SALL2: variants seen among roughly 807,000 people sequenced by gnomAD.
SALL2 encodes spalt like transcription factor 2, also known as sal-like protein 2.
In SALL2, 32 loss-of-function variants were observed where a neutral mutation model predicts 58.5. The ratio of observed to expected loss-of-function variants is 0.55; its 90% confidence interval spans 0.41 to 0.74. The LOEUF (loss-of-function observed/expected upper bound fraction) is 0.74, where lower values mean the gene tolerates loss of function less well. SALL2 is among the 30% of genes least tolerant of loss of function. SALL2 has a pLI of 0.00. For synonymous variants in SALL2, 516 were observed against 513.6 expected (o/e 1.00, Z -0.06); for missense variants, 1,201 against 1,268.9 (o/e 0.95, Z 0.81).
At position 21,523,924 on chromosome 14, in the gene SALL2, G is replaced by T. The variant is rs1479116424; in HGVS notation, c.1798C>A (p.Gln600Lys). 1 of 1,614,216 alleles carries T rather than the reference G, an allele frequency of 6.2e-7. No individual in the cohort carries two copies. The highest frequency in any genetic ancestry group is 2.2e-5 in the East Asian group (1 of 44,888). Residue 600 changes from glutamine (Q) to lysine (K), a missense_variant, in exon 2 of 2, where the codon CAA becomes AAA. This residue lies in a region of SALL2 where 675 missense variants were observed against 683.8 expected (regional missense o/e 0.99). Transcript: ENST00000537235. The surrounding 1 kb of genome is among the most constrained non-coding windows in gnomAD (Gnocchi z 4.4). ...LQQLVEKIDR[Q>K]GAVAVTSAAS... Reference sequence around the variant, plus strand: ...GCTGAGGTCACCGCCACAGCTCCTTGCCGGTCAATCTTTTCTACCAGTTGC... The same window carrying T: ...GCTGAGGTCACCGCCACAGCTCCTTTCCGGTCAATCTTTTCTACCAGTTGC...
At chr14:21,526,633 C>T, upstream of SALL2, 4 of 385,708 alleles carry the variant, frequency 1.0e-5, no homozygotes, top group Non-Finnish European at 1.5e-5. Context: ...AAACGTAGCC[C>T]TGCTCAGTGG....
In SALL2 at chr14:21,523,110, G is replaced by C. The variant is rs761508362; in HGVS notation, c.2612C>G (p.Ser871Ter). The change falls in exon 2 of 2, where the codon TCA (serine) becomes TGA (stop). Residue 871 changes from serine (S) to a stop codon, truncating the protein, a stop_gained. Transcript: ENST00000537235. LOFTEE classifies it high-confidence loss of function. The surrounding 1 kb of genome is among the most constrained non-coding windows in gnomAD (Gnocchi z 4.4). ...KEEGGKPERSSSPASALTPEG... is the reference protein window; with the variant it reads ...KEEGGKPERS ...TGGGGTGAGTGCTGATGCCGGACTT[G>C]AGCTTCTCTCCGGTTTGCCCCCCTC... 1.4e-5 allele frequency: 23 copies of C among 1,614,038 alleles called. No individual in the cohort carries two copies. The highest frequency in any genetic ancestry group is 5.0e-5 in the Admixed American group (3 of 59,996).
intron 1 of SALL2, among the ~76,000 whole-genome samples, chr14:21,532,310 G>C (rs1449106441): frequency 1.4e-5 from 2 of 142,982 alleles, no homozygotes; most frequent in Non-Finnish European, 3.1e-5. Context: ...ACAGGGCTAA[G>C]GGAATGGGAG....
At chr14:21,535,500 T>G (rs1892576195) in intron 1 of SALL2, among the ~76,000 whole-genome samples, 1 of 152,216 alleles carries the variant, frequency 6.6e-6, no homozygotes, top group Non-Finnish European at 1.5e-5. Context: ...TCACACATAT[T>G]AAGCACTTAT....
rs968948749 is a variant in SALL2, at chr14:21,525,909, C to T, written c.67+152G>A. Among the ~76,000 whole-genome samples, 1 of 151,628 alleles carries T rather than the reference C, an allele frequency of 6.6e-6. No individual in the cohort carries two copies. Among genetic ancestry groups the T allele is most frequent in the Admixed American group, 6.6e-5 (1 of 15,244 alleles). ...CTCCCCTCCTCAGCCACCCTCCCTT[C>T]CCCAGGCCACAAGCGAGTTCACGGA... is the stretch of plus-strand genomic sequence containing the variant. On this transcript the variant is annotated intron_variant, in intron 1 of 1. Transcript: ENST00000537235. This position sits in a 1 kb window ranked among gnomAD's most constrained non-coding sequence, Gnocchi z 4.4.
intron 1 of SALL2, among the ~76,000 whole-genome samples, chr14:21,535,068 G>A (rs958318273): frequency 2.0e-5 from 3 of 152,090 alleles, no homozygotes; most frequent in Non-Finnish European, 2.9e-5. Flanking sequence ...GCTGATGGCC[G>A]GGAGCGGTGG....
Position 21,523,555 on chromosome 14 carries a change from G to C in SALL2, c.2167C>G (p.Leu723Val), listed in dbSNP as rs748160041. 6.2e-7 allele frequency: 1 copy of C among 1,614,212 alleles called. No homozygotes were observed. Among genetic ancestry groups the C allele is most frequent in the Non-Finnish European group, 8.5e-7 (1 of 1,180,046 alleles). Residue 723 changes from leucine (L) to valine (V), a missense_variant, in exon 2 of 2, where the codon CTC becomes GTC. Physicochemically the swap from Leu to Val is conservative, Grantham distance 32. Transcript: ENST00000537235. The surrounding 1 kb of genome is among the most constrained non-coding windows in gnomAD (Gnocchi z 4.4). ...TGAGCAGCTCCTCCACCTTCAGGGA[G>C]TGCAGTACCACCGTTGGGGATCTGG... ...GGQIPNGGTALPEGGGAAQEN... is the reference protein window; with the variant it reads ...GGQIPNGGTAVPEGGGAAQEN...
chr14:21,532,894 C>T (rs1178350657), intron 1 of SALL2, among the ~76,000 whole-genome samples: 3 of 151,242 alleles, frequency 2.0e-5, no homozygotes, highest in African/African-American at 7.3e-5. Flanking sequence ...ACCCGGGAGG[C>T]GGAGCTCGCA....
At chr14:21,526,028 C>CCCCCCCCCCCCCCCCCCCCCCCCCCA in intron 1 of SALL2, 33 bp downstream of exon 1, 1 of 1,490,078 alleles carries the variant, frequency 6.7e-7, no homozygotes, top group Non-Finnish European at 9.0e-7. Context: ...CCTCCGCCCC[C>CCCCCCCCCCCCCCCCCCCCCCCCCCA]ACCCCTGCCC....
upstream of SALL2, among the ~76,000 whole-genome samples, chr14:21,526,691 T>C (rs954651974): frequency 5.2e-4 from 79 of 152,086 alleles, no homozygotes; most frequent in South Asian, 4.2e-4. Flanking sequence ...AAGGATCCGC[T>C]GAGCTTGGAA....
upstream of SALL2, among the ~76,000 whole-genome samples, chr14:21,528,073 G>C (rs924907522): frequency 3.3e-5 from 5 of 151,988 alleles, no homozygotes; most frequent in African/African-American, 1.2e-4. Context: ...AGGAGGTGGA[G>C]GTTGCAGGGG....
In SALL2 at chr14:21,534,494, G is replaced by A. The variant is rs533108010; in HGVS notation, c.-114+2468C>T. ...AGCAGCATTACCATGCCCCCAGGTG[G>A]AAGCTATATCTTAAAGGGCTTGAAA... On this transcript the variant is annotated intron_variant, in intron 1 of 1. Transcript: ENST00000541965. Among the ~76,000 whole-genome samples the A allele has an allele frequency of 2.8e-4, 42 of 152,230 alleles. No individual in the cohort carries two copies. The South Asian group carries it at 5.0e-3, about 18-fold the overall frequency.
In SALL2 at chr14:21,522,970, AGGCCTGGC is replaced by A; in HGVS notation, c.2744_2751del (p.Gly915ValfsTer32). 3 of 1,614,042 alleles carry A rather than the reference AGGCCTGGC, an allele frequency of 1.9e-6. No individual in the cohort carries two copies. The highest frequency in any genetic ancestry group is 1.7e-6 in the Non-Finnish European group (2 of 1,179,998). On this transcript the variant is annotated frameshift_variant, in exon 2 of 2. Coordinates refer to ENST00000537235, the MANE Select transcript of SALL2 (RefSeq NM_001364564.1). LOFTEE classifies it high-confidence loss of function. ...TCCTCCAGAGCTGCCTGGGAGGGAA[AGGCCTGGC>A]CACACACTTCGCAGGCCTTTCTGCT...
At position 21,526,237 on chromosome 14, in the gene SALL2, C is replaced by T; in HGVS notation, c.-110G>A. ...CAGCCTCTGCACCCAGCGGCCCAGA[C>T]TGCGGAGATGGAGATCGGCAGCGGC... On this transcript the variant is annotated 5_prime_UTR_variant, in exon 1 of 2. Coordinates refer to ENST00000537235, the MANE Select transcript of SALL2 (RefSeq NM_001364564.1). 1.4e-6 allele frequency: 2 copies of T among 1,469,506 alleles called. No individual in the cohort carries two copies. The highest frequency in any genetic ancestry group is 1.8e-6 in the Non-Finnish European group (2 of 1,112,152). 91.0% of individuals were successfully genotyped at this position (1,469,506 alleles called of 1,614,324 possible). A position where few individuals can be genotyped will look rare whatever the true frequency, so the allele number is the denominator to read the frequency against.
At position 21,524,865 on chromosome 14, in the gene SALL2, G is replaced by C; in HGVS notation, c.857C>G (p.Ser286Cys). 6.2e-7 allele frequency: 1 copy of C among 1,614,098 alleles called. No individual in the cohort carries two copies. The highest frequency in any genetic ancestry group is 8.5e-7 in the Non-Finnish European group (1 of 1,179,942). Residue 286 changes from serine to cysteine, a missense_variant, in exon 2 of 2, where the codon TCT (serine) becomes TGT (cysteine). Transcript: ENST00000537235. ...YHPLGSQHPF[S>C]AGGVGRSHKP... ...GTGGCTTCGCCCAACCCCTCCAGCA[G>C]AGAAAGGATGCTGTGACCCCAGTGG...
Position 21,526,208 on chromosome 14 carries a change from G to C in SALL2, c.-81C>G. On this transcript the variant is annotated 5_prime_UTR_variant, in exon 1 of 2. Transcript: ENST00000537235. ...GAGGGAGGCGATGGCCGCTGGGTCT[G>C]CGGCAGCCTCTGCACCCAGCGGCCC... 6.6e-7 allele frequency: 1 copy of C among 1,521,622 alleles called. No individual in the cohort carries two copies. The highest frequency in any genetic ancestry group is 8.8e-7 in the Non-Finnish European group (1 of 1,138,042). 94.3% of individuals were successfully genotyped at this position (1,521,622 alleles called of 1,614,324 possible).
In SALL2 at chr14:21,521,757, C is replaced by A. The variant is rs959312442; in HGVS notation, c.*947G>T. On this transcript the variant is annotated 3_prime_UTR_variant, in exon 2 of 2. Transcript: ENST00000537235. ...CATTTCCCAAATATCTCCTGGGAGA[C>A]CTCTTGGCAAGAAATCAGCTTGTTT... The A allele has an allele frequency of 4.4e-6, 2 of 456,592 alleles. No individual in the cohort carries two copies. The highest frequency in any genetic ancestry group is 3.3e-5 in the South Asian group (1 of 30,064). 28.3% of individuals were successfully genotyped at this position (456,592 alleles called of 1,614,324 possible).
Position 21,522,475 on chromosome 14 carries a change from A to G in SALL2, c.*229T>C, listed in dbSNP as rs2139664029. On this transcript the variant is annotated 3_prime_UTR_variant, in exon 2 of 2. Transcript: ENST00000537235. ...CCCTTGAGAAAGCTGCAGAGAATCT[A>G]TGTTCCTCAGGTACAAAGAATGAGG... The G allele has an allele frequency of 2.1e-6, 3 of 1,398,960 alleles. No individual in the cohort carries two copies. Among genetic ancestry groups the G allele is most frequent in the East Asian group, 2.5e-5 (1 of 39,236 alleles). 86.7% of individuals were successfully genotyped at this position (1,398,960 alleles called of 1,614,324 possible). A position where few individuals can be genotyped will look rare whatever the true frequency, so the allele number is the denominator to read the frequency against.
At position 21,525,500 on chromosome 14, in the gene SALL2, C is replaced by G. The variant is rs754187660; in HGVS notation, c.222G>C (p.Ser74=). Residue 74 remains serine (S), a synonymous_variant, in exon 2 of 2, where the codon TCG becomes TCC. Transcript: ENST00000537235. This position sits in a 1 kb window ranked among gnomAD's most constrained non-coding sequence, Gnocchi z 4.4. The part of the protein sequence containing the change: ...IGGQENPNNS[S]ASSEPRPEGH... ...CCTCAGGCCGGGGTTCAGAGGAGGCCGAAGAGTTGTTGGGGTTCTCCTGGC... is the reference window on the plus strand; with the variant it reads ...CCTCAGGCCGGGGTTCAGAGGAGGCGGAAGAGTTGTTGGGGTTCTCCTGGC... The G allele has an allele frequency of 5.6e-6, 9 of 1,613,888 alleles. No individual in the cohort carries two copies. Among genetic ancestry groups the G allele is most frequent in the African/African-American group, 1.3e-5 (1 of 74,980 alleles).
Sources: allele counts gnomAD v4.1 joint callset (sites outside exome capture counted in the v4.1 genomes callset), GRCh38; gene constraint gnomAD v4.1.1; regional missense constraint gnomAD v4.1.1; non-coding constraint Gnocchi (gnomAD v3.1); transcripts MANE v1.5; gene names NCBI Gene and HGNC (gene_info 2026-07-23, HGNC 2026-07-21).